The following SVEP1 variants were observed in gnomAD, a reference collection of about 807,000 sequenced individuals.
SVEP1 encodes sushi, von Willebrand factor type A, EGF and pentraxin domain-containing protein 1.
In SVEP1, 164 loss-of-function variants were observed where a neutral mutation model predicts 367.3. That is an observed-to-expected ratio of 0.45 (90% CI 0.39 to 0.51). SVEP1 has a LOEUF of 0.51. Ranked by LOEUF, SVEP1 falls within the 20% of genes least tolerant of loss-of-function variation. SVEP1 has a pLI of 0.00. For missense variants in SVEP1, 4,117 were observed against 4,425.3 expected (o/e 0.93, Z 1.98); for synonymous variants, 1,666 against 1,611.6 (o/e 1.03, Z -0.81).
intron 14 of SVEP1, among the ~76,000 whole-genome samples, chr9:110,473,563 A>G (rs1267129551): frequency 6.6e-6 from 1 of 152,212 alleles, no homozygotes; most frequent in Non-Finnish European, 1.5e-5. Flanking sequence ...TGGCATTTCT[A>G]TGTGAAATGG....
chr9:110,547,555 T>G (rs1830235719), intron 2 of SVEP1, among the ~76,000 whole-genome samples: 1 of 152,058 alleles, frequency 6.6e-6, no homozygotes, highest in African/African-American at 2.4e-5. Flanking sequence ...ATAGCCTGTG[T>G]GACAGAATGA....
At chr9:110,394,041 C>G (rs2148879) in intron 40 of SVEP1, among the ~76,000 whole-genome samples, 108,876 of 152,172 alleles carry the variant, frequency 0.72, 39,059 homozygotes, top group Middle Eastern at 0.81. Flanking sequence ...TGAGATCTGA[C>G]AACAGGCAGA....
chr9:110,429,309 C>T lies in SVEP1; in HGVS notation c.5641G>A (p.Gly1881Ser). The T allele has an allele frequency of 3.8e-6, 6 of 1,582,028 alleles. No individual in the cohort carries two copies. The highest frequency in any genetic ancestry group is 4.3e-6 in the Non-Finnish European group (5 of 1,164,194). Residue 1881 changes from glycine (G) to serine (S), a missense_variant, in exon 35 of 48, where the codon GGT becomes AGT. Physicochemically the swap from Gly to Ser is moderately conservative, Grantham distance 56. Around this residue, in one of 4 missense-constraint regions of SVEP1, gnomAD observed 2,174 missense variants for 2,494.3 expected, o/e 0.87. Coordinates refer to ENST00000374469, the MANE Select transcript of SVEP1 (RefSeq NM_153366.4). Reference sequence around the variant, plus strand: ...GCAAGACAGGATGATTCTTTATCACCGGCCAGAGTATATCCTTTATTACAC... The same window carrying T: ...GCAAGACAGGATGATTCTTTATCACTGGCCAGAGTATATCCTTTATTACAC... ...YRCNKGYTLA[G>S]DKESSCLANS...
Position 110,579,456 on chromosome 9 carries a change from A to C in SVEP1, c.88T>G (p.Phe30Val), listed in dbSNP as rs1410154548. ...TFQQMSPSRNFSFRLFPETAP... is the reference protein window; with the variant it reads ...TFQQMSPSRNVSFRLFPETAP... ...GTCTCGGGGAAGAGGCGGAAGCTGA[A>C]ATTGCGCGACGGGGACATCTGCTGA... Residue 30 changes from phenylalanine to valine, a missense_variant, in exon 1 of 48, where the codon TTC (phenylalanine) becomes GTC (valine). Around this residue, in one of 4 missense-constraint regions of SVEP1, gnomAD observed 161 missense variants for 122.4 expected, o/e 1.32. Coordinates refer to ENST00000374469, the MANE Select transcript of SVEP1 (RefSeq NM_153366.4). The surrounding 1 kb of genome is among the most constrained non-coding windows in gnomAD (Gnocchi z 5.3). The C allele has an allele frequency of 3.1e-6, 5 of 1,600,658 alleles. No homozygotes were observed. In the East Asian group the frequency reaches 9.0e-5, roughly 29 times the overall value.
At chr9:110,434,665 C>CAAAAAAAAAAAAAAAAAAAA (rs1828404499) in intron 29 of SVEP1, among the ~76,000 whole-genome samples, 159 bp from the exon 30 acceptor site, 2 of 4,720 alleles carry the variant, frequency 4.2e-4, no homozygotes, top group East Asian at 0.042. Flanking sequence ...AGCAAAATCA[C>CAAAAAAAAAAAAAAAAAAAA]TAAAAAAAAA....
chr9:110,481,431 G>C lies in SVEP1; in HGVS notation c.2176C>G (p.Pro726Ala), dbSNP rs772454423. 6.4e-7 allele frequency: 1 copy of C among 1,570,882 alleles called. No homozygotes were observed. Among genetic ancestry groups the C allele is most frequent in the Non-Finnish European group, 8.6e-7 (1 of 1,158,002 alleles). The part of the protein sequence containing the change: ...CDIHIVIKGS[P>A]CEIPFTPVNG... ...ACAGGTGTGAATGGAATTTCACAGGGAGAACCTGTGTAAAAAAAATTGTAC... is the reference window on the plus strand; with the variant it reads ...ACAGGTGTGAATGGAATTTCACAGGCAGAACCTGTGTAAAAAAAATTGTAC... The change falls in exon 12 of 48, where the codon CCC (proline) becomes GCC (alanine). Residue 726 changes from proline to alanine, a missense_variant. Pro to Ala is a conservative substitution (Grantham distance 27). This residue lies in a region of SVEP1 where 2,174 missense variants were observed against 2,494.3 expected (regional missense o/e 0.87). Coordinates refer to ENST00000374469, the MANE Select transcript of SVEP1 (RefSeq NM_153366.4).
chr9:110,481,718 T>TTAC (rs1226508781), intron 11 of SVEP1, among the ~76,000 whole-genome samples: 7 of 151,936 alleles, frequency 4.6e-5, no homozygotes, highest in African/African-American at 7.3e-5. Context: ...ATTATTATTA[T>TTAC]TACTACTACT....
At chr9:110,538,062 T>C (rs946199688) in intron 3 of SVEP1, among the ~76,000 whole-genome samples, 1 of 152,032 alleles carries the variant, frequency 6.6e-6, no homozygotes, top group African/African-American at 2.4e-5. Flanking sequence ...TATATATTTT[T>C]TGAGTATTTC....
intron 3 of SVEP1, among the ~76,000 whole-genome samples, chr9:110,519,267 T>C (rs1296071083): frequency 1.3e-5 from 2 of 152,202 alleles, no homozygotes; most frequent in African/African-American, 4.8e-5. Flanking sequence ...GAATAATGTC[T>C]CCAACCCTTC....
At chr9:110,494,163 C>T (rs1829411533) in intron 8 of SVEP1, among the ~76,000 whole-genome samples, 1 of 152,158 alleles carries the variant, frequency 6.6e-6, no homozygotes, top group Non-Finnish European at 1.5e-5. Context: ...TGTAAGGAAA[C>T]ATATTTGCAG....
At chr9:110,482,128 G>T (rs941322770) in intron 11 of SVEP1, among the ~76,000 whole-genome samples, 3 of 152,128 alleles carry the variant, frequency 2.0e-5, no homozygotes, top group African/African-American at 7.2e-5. Flanking sequence ...ATAATACATT[G>T]TAACCTTAGA....
chr9:110,455,667 G>A lies in SVEP1; in HGVS notation c.3710C>T (p.Pro1237Leu). 1 of 1,612,748 alleles carries A rather than the reference G, an allele frequency of 6.2e-7. No individual in the cohort carries two copies. Among genetic ancestry groups the A allele is most frequent in the Non-Finnish European group, 8.5e-7 (1 of 1,179,322 alleles). Residue 1237 changes from proline (P) to leucine (L), a missense_variant, in exon 22 of 48, where the codon CCA (proline) becomes CTA (leucine). Physicochemically the swap from Pro to Leu is moderately conservative, Grantham distance 98. This residue lies in a region of SVEP1 where 2,174 missense variants were observed against 2,494.3 expected (regional missense o/e 0.87). Transcript: ENST00000374469. ...KCETDIDECS[P>L]LPCLNNGVCK... ...AACTCCATTGTTGAGGCAAGGCAGT[G>A]GGCTGCACTCATCGATGTCTGTTTC...
intron 21 of SVEP1, among the ~76,000 whole-genome samples, chr9:110,456,773 A>G (rs1828782201): frequency 6.6e-6 from 1 of 152,342 alleles, no homozygotes; most frequent in South Asian, 2.1e-4. Flanking sequence ...TTCATACGTA[A>G]TTCCTACATA....
At chr9:110,524,332 CTAAG>C (rs1829914837) in intron 3 of SVEP1, among the ~76,000 whole-genome samples, 1 of 151,966 alleles carries the variant, frequency 6.6e-6, no homozygotes, top group Non-Finnish European at 1.5e-5. Flanking sequence ...ACCCTGATAC[CTAAG>C]TGAGATGCAG....
At chr9:110,504,167 G>C (rs1829585949) in intron 5 of SVEP1, among the ~76,000 whole-genome samples, 1 of 151,722 alleles carries the variant, frequency 6.6e-6, no homozygotes, top group South Asian at 2.1e-4. Flanking sequence ...CCATTCTCCT[G>C]CCTCAGCCTC....
At chr9:110,532,959 C>T (rs947337586) in intron 3 of SVEP1, among the ~76,000 whole-genome samples, 21 of 152,056 alleles carry the variant, frequency 1.4e-4, no homozygotes, top group Admixed American at 2.0e-4. Flanking sequence ...GACTAGGGTA[C>T]GGGATGGTTT....
chr9:110,389,351 C>G (rs570116529), intron 41 of SVEP1, among the ~76,000 whole-genome samples, 173 bp downstream of exon 41: 1 of 152,240 alleles, frequency 6.6e-6, no homozygotes, highest in South Asian at 2.1e-4. Flanking sequence ...CAGTTTTTGA[C>G]CCTTTTATTG....
intron 36 of SVEP1, among the ~76,000 whole-genome samples, chr9:110,425,132 G>A (rs1222871305): frequency 2.6e-5 from 4 of 152,068 alleles, no homozygotes; most frequent in Non-Finnish European, 5.9e-5. Context: ...CTCATCAAGA[G>A]TTTTAATTTC....
intron 3 of SVEP1, among the ~76,000 whole-genome samples, chr9:110,521,957 A>AT (rs917513759): frequency 2.0e-5 from 3 of 152,048 alleles, no homozygotes; most frequent in Admixed American, 6.6e-5. Context: ...TTCTCTAAAC[A>AT]TTTTTTTCCC....
Sources: gnomAD v4.1 joint callset for allele counts (sites outside exome capture counted in the v4.1 genomes callset) on GRCh38, gnomAD v4.1.1 for gene constraint, gnomAD v4.1.1 regional missense constraint, Gnocchi (gnomAD v3.1) non-coding constraint, MANE v1.5 for transcripts, NCBI Gene and HGNC (gene_info 2026-07-23, HGNC 2026-07-21) for gene names.